LMNB1: variants seen among roughly 807,000 people sequenced by gnomAD.
LMNB1 encodes the protein lamin-B1.
In LMNB1, 23 loss-of-function variants were observed where a neutral mutation model predicts 67.1. The ratio of observed to expected loss-of-function variants is 0.34; its 90% CI spans 0.25 to 0.49. LMNB1 has a LOEUF of 0.49. LMNB1 is among the 20% of genes least tolerant of loss of function. The pLI is 0.99. For synonymous variants in LMNB1, 281 were observed against 282.9 expected, an observed-to-expected ratio of 0.99 and a Z score of 0.07; for missense variants, 634 against 746.5, an observed-to-expected ratio of 0.85 and a Z score of 1.76.
intron 7 of LMNB1, among the ~76,000 whole-genome samples, chr5:126,822,437 C>G (rs1257712022): frequency 6.6e-6 from 1 of 152,162 alleles, no homozygotes; most frequent in Non-Finnish European, 1.5e-5. Flanking sequence ...TAATCCAATA[C>G]TTGATGTTTA....
chr5:126,826,167 G>A (rs1273184878), intron 9 of LMNB1, 60 bp downstream of exon 9: 1 of 1,545,034 alleles, frequency 6.5e-7, no homozygotes, highest in Admixed American at 1.9e-5. Context: ...CACTGTGCAA[G>A]TATAATCAAG....
At chr5:126,824,924 G>A (rs565618723) in intron 8 of LMNB1, among the ~76,000 whole-genome samples, 1 of 133,538 alleles carries the variant, frequency 7.5e-6, no homozygotes, top group African/African-American at 2.9e-5. Context: ...CTTAGCTCAA[G>A]TGATCTGCCC....
intron 1 of LMNB1, among the ~76,000 whole-genome samples, chr5:126,801,564 G>GT (rs1375736888): frequency 6.6e-6 from 1 of 152,190 alleles, no homozygotes; most frequent in African/African-American, 2.4e-5. Flanking sequence ...GTTGAACACA[G>GT]TATCTTTCAC....
chr5:126,833,279 G>A (rs1028045505), intron 10 of LMNB1, among the ~76,000 whole-genome samples: 1 of 152,180 alleles, frequency 6.6e-6, no homozygotes, highest in Middle Eastern at 3.4e-3. Flanking sequence ...CTGATGGTTG[G>A]GCTTTTGAGA....
At chr5:126,778,475 C>T (rs375359952) in intron 1 of LMNB1, among the ~76,000 whole-genome samples, 3 of 152,222 alleles carry the variant, frequency 2.0e-5, no homozygotes, top group African/African-American at 7.2e-5. Context: ...TGCGAAGATT[C>T]TACGCCTGCT....
chr5:126,819,193 C>A, intron 6 of LMNB1, 51 bp downstream of exon 6: 1 of 1,252,442 alleles, frequency 8.0e-7, no homozygotes, highest in Non-Finnish European at 1.1e-6. Context: ...TTGCCTCTCA[C>A]CCTTTTTATT....
At chr5:126,807,740 C>G (rs1344979827) in intron 3 of LMNB1, among the ~76,000 whole-genome samples, 1 of 151,952 alleles carries the variant, frequency 6.6e-6, no homozygotes, top group South Asian at 2.1e-4. Context: ...GTCACTGGTT[C>G]TATATAAAAA....
At chr5:126,781,566 A>C (rs993908464) in intron 1 of LMNB1, among the ~76,000 whole-genome samples, 79 of 151,782 alleles carry the variant, frequency 5.2e-4, no homozygotes, top group Non-Finnish European at 7.9e-4. Flanking sequence ...CCTCCCAAGT[A>C]GCTGGGATTA....
chr5:126,828,308 A>AT (rs1168005993), intron 9 of LMNB1, among the ~76,000 whole-genome samples: 22 of 149,550 alleles, frequency 1.5e-4, no homozygotes, highest in East Asian at 3.9e-4. Flanking sequence ...TATTTATGTC[A>AT]TTTTTTTTTT....
chr5:126,834,259 G>A lies in LMNB1; in HGVS notation c.1719+1458G>A, dbSNP rs755260068. ...TCTTGCTGTGTCGCCAGGCTGGAGC[G>A]CAGTGGCGCAATCTCAGCTCACCGC... On this transcript the variant is annotated intron_variant, in intron 10 of 10. Transcript: ENST00000261366. Among the ~76,000 whole-genome samples, 29 of 151,560 alleles carry A rather than the reference G, an allele frequency of 1.9e-4. 1 individual carries two copies. Among genetic ancestry groups the A allele is most frequent in the Admixed American group, 1.3e-3 (20 of 15,244 alleles).
intron 4 of LMNB1, 86 bp downstream of exon 4, chr5:126,810,436 G>A: frequency 9.1e-7 from 1 of 1,094,164 alleles, no homozygotes; most frequent in Non-Finnish European, 1.3e-6. Flanking sequence ...TGTTTATTTT[G>A]TTCTAGTTTT....
chr5:126,810,081 T>G, intron 3 of LMNB1, 99 bp from the exon 4 acceptor site: 1 of 1,110,848 alleles, frequency 9.0e-7, no homozygotes, highest in Non-Finnish European at 1.3e-6. Flanking sequence ...CAGGAGGAAG[T>G]TCGTGTGTAA....
chr5:126,801,124 C>CA (rs1328369626), intron 1 of LMNB1, among the ~76,000 whole-genome samples: 1 of 149,718 alleles, frequency 6.7e-6, no homozygotes, highest in Admixed American at 6.7e-5. Context: ...GCTGGGACTA[C>CA]AGGCATGTGC....
chr5:126,831,701 C>A (rs1389492137), intron 9 of LMNB1, among the ~76,000 whole-genome samples: 1 of 152,138 alleles, frequency 6.6e-6, no homozygotes, highest in East Asian at 1.9e-4. Flanking sequence ...TTATTTAGCA[C>A]CTTATCTTTG....
At chr5:126,833,629 T>C (rs1752184037) in intron 10 of LMNB1, among the ~76,000 whole-genome samples, 1 of 152,226 alleles carries the variant, frequency 6.6e-6, no homozygotes, top group South Asian at 2.1e-4. Context: ...AAAACACATA[T>C]GTTACACTTA....
upstream of LMNB1, chr5:126,776,851 G>A (rs889647337): frequency 6.6e-6 from 1 of 152,244 alleles, no homozygotes; most frequent in African/African-American, 2.4e-5. Context: ...CCGCGCGGGT[G>A]GGCAGTCCCA....
Position 126,810,158 on chromosome 5 carries a change from A to G in LMNB1, c.643-22A>G, listed in dbSNP as rs1245642466. 1.9e-6 allele frequency: 3 copies of G among 1,599,266 alleles called. No individual in the cohort carries two copies. In the Admixed American group the frequency reaches 5.0e-5, roughly 27 times the overall value. On this transcript the variant is annotated intron_variant, in intron 3 of 10. Transcript: ENST00000261366. ...CAGCCATGGTAAGTAGCTTGGCTTT[A>G]TGCTTTTTGTTTTTTCCCCAGGAGA...
Position 126,777,838 on chromosome 5 carries a change from C to T in LMNB1, c.330C>T (p.Cys110=), listed in dbSNP as rs1351184689. ...RAKLQIELGK[C]KAEHDQLLLN... Reference sequence around the variant, plus strand: ...AGCTGCAGATCGAGCTGGGCAAGTGCAAGGCGGAACACGACCAGCTGCTCC... The same window carrying T: ...AGCTGCAGATCGAGCTGGGCAAGTGTAAGGCGGAACACGACCAGCTGCTCC... Residue 110 remains cysteine (C), a synonymous_variant, in exon 1 of 11, where the codon TGC becomes TGT. Transcript: ENST00000261366. The T allele has an allele frequency of 8.3e-6, 12 of 1,451,426 alleles. No individual in the cohort carries two copies. Among genetic ancestry groups the T allele is most frequent in the East Asian group, 2.8e-5 (1 of 35,918 alleles). The allele number at this position is 1,451,426 out of a possible 1,614,324, so 89.9% of individuals were successfully genotyped here.
At chr5:126,834,791 G>T (rs1334126429) in intron 10 of LMNB1, among the ~76,000 whole-genome samples, 1 of 152,174 alleles carries the variant, frequency 6.6e-6, no homozygotes, top group African/African-American at 2.4e-5. Flanking sequence ...CAGGAGAATG[G>T]CGTGAACCCG....
Sources: allele counts gnomAD v4.1 joint callset (sites outside exome capture counted in the v4.1 genomes callset), GRCh38; gene constraint gnomAD v4.1.1; transcripts MANE v1.5; gene names NCBI Gene and HGNC (gene_info 2026-07-23, HGNC 2026-07-21).